The following ZNF407 variants were observed in gnomAD, a reference collection of about 807,000 sequenced individuals.
ZNF407 encodes zinc finger protein 407.
In ZNF407, 17 loss-of-function variants were observed where a neutral mutation model predicts 131.2. That is an observed-to-expected ratio of 0.13 (90% CI 0.09 to 0.19). The LOEUF (loss-of-function observed/expected upper bound fraction) is 0.19. Among genes scored for constraint, ZNF407 ranks in the 10% least tolerant of loss-of-function variants. ZNF407 has a pLI of 1.00. For missense variants in ZNF407, 2,681 were observed against 2,830.6 expected (o/e 0.95, Z 1.20); for synonymous variants, 1,156 against 1,062.0 (o/e 1.09, Z -1.72).
chr18:74,781,315 A>G (rs1368451746), intron 3 of ZNF407, 113 bp from the exon 4 acceptor site: 7 of 740,556 alleles, frequency 9.5e-6, no homozygotes, highest in African/African-American at 9.2e-5. Context: ...TGCCACTGTA[A>G]TACGCTTTTT....
chr18:74,912,487 A>G (rs377196795), intron 7 of ZNF407, among the ~76,000 whole-genome samples: 1 of 152,190 alleles, frequency 6.6e-6, no homozygotes, highest in East Asian at 1.9e-4. Context: ...AAAGTCCAGA[A>G]TTCACCTTAC....
intron 4 of ZNF407, among the ~76,000 whole-genome samples, chr18:74,799,533 A>G (rs1969981363): frequency 6.6e-6 from 1 of 152,150 alleles, no homozygotes; most frequent in Non-Finnish European, 1.5e-5. Flanking sequence ...ACATTGATTT[A>G]TGTTAGATAT....
intron 3 of ZNF407, among the ~76,000 whole-genome samples, chr18:74,645,724 A>C (rs905669575): frequency 1.3e-5 from 2 of 151,800 alleles, no homozygotes; most frequent in Non-Finnish European, 2.9e-5. Flanking sequence ...GTAGATGATT[A>C]TAATGTCACT....
intron 4 of ZNF407, among the ~76,000 whole-genome samples, chr18:74,868,646 C>T (rs980470051): frequency 1.3e-5 from 2 of 152,364 alleles, no homozygotes; most frequent in African/African-American, 4.8e-5. Flanking sequence ...TTGCATACCA[C>T]CTGGCTGCCT....
intron 3 of ZNF407, among the ~76,000 whole-genome samples, chr18:74,743,065 A>G (rs1055159498): frequency 3.3e-5 from 5 of 152,178 alleles, no homozygotes; most frequent in South Asian, 2.1e-4. Flanking sequence ...CGTTGATGGA[A>G]TTGGAGGAGT....
chr18:75,040,776 T>G (rs1203024340), intron 8 of ZNF407, among the ~76,000 whole-genome samples: 1 of 151,402 alleles, frequency 6.6e-6, no homozygotes, highest in African/African-American at 2.4e-5. Flanking sequence ...ATTCAGTAAG[T>G]TTTTTTTTAC....
chr18:74,630,993 G>T lies in ZNF407; in HGVS notation c.-27G>T. The T allele has an allele frequency of 6.3e-7, 1 of 1,578,702 alleles. No individual in the cohort carries two copies. On this transcript the variant is annotated 5_prime_UTR_variant, in exon 2 of 9. An upstream open reading frame in the 5' UTR loses its in-frame stop. Coordinates refer to ENST00000299687, the MANE Select transcript of ZNF407 (RefSeq NM_017757.3). ...TTATGAGTGCCAGTGAGCCGCCTTA[G>T]ATAGAAGCATCGTCAGCACTTTATT...
At chr18:74,906,583 C>A (rs573707734) in intron 7 of ZNF407, among the ~76,000 whole-genome samples, 96 of 152,280 alleles carry the variant, frequency 6.3e-4, no homozygotes, top group South Asian at 2.9e-3. Context: ...CAAAAGTTTC[C>A]TTGGACTTGG....
At position 74,795,415 on chromosome 18, in the gene ZNF407, TTTATTCAA is replaced by T. The variant is rs1261023851; in HGVS notation, c.4877+13914_4877+13921del. 7.8e-3 allele frequency among the ~76,000 whole-genome samples: 1,191 copies of T among 152,330 alleles called. 9 individuals are homozygous for T. The highest frequency in any genetic ancestry group is 0.026 in the African/African-American group (1,086 of 41,568). On this transcript the variant is annotated intron_variant, in intron 4 of 8. Coordinates refer to ENST00000299687, the MANE Select transcript of ZNF407 (RefSeq NM_017757.3). ...ATATGAATCAATATATTTGAGAAAC[TTTATTCAA>T]GCTATTACTCATCTATTGACATTAC...
At chr18:75,015,313 TTATTA>T (rs1973030074) in intron 8 of ZNF407, among the ~76,000 whole-genome samples, 1 of 151,772 alleles carries the variant, frequency 6.6e-6, no homozygotes, top group Admixed American at 6.6e-5. Flanking sequence ...GTATCGATGC[TTATTA>T]TACTTATTGA....
At chr18:75,037,159 T>C (rs1181653504) in intron 8 of ZNF407, among the ~76,000 whole-genome samples, 1 of 152,242 alleles carries the variant, frequency 6.6e-6, no homozygotes, top group Non-Finnish European at 1.5e-5. Flanking sequence ...ACTATGGTAC[T>C]GAGTGCTCAA....
intron 8 of ZNF407, among the ~76,000 whole-genome samples, chr18:74,960,806 G>T (rs1349493915): frequency 1.4e-5 from 2 of 145,886 alleles, no homozygotes; most frequent in Non-Finnish European, 3.0e-5. Flanking sequence ...TGAGTGCTTG[G>T]TGGAGGGATA....
intron 3 of ZNF407, among the ~76,000 whole-genome samples, chr18:74,648,053 A>G (rs1985055830): frequency 6.6e-6 from 1 of 152,192 alleles, no homozygotes; most frequent in South Asian, 2.1e-4. Context: ...TGAGGATTAA[A>G]CAAACACCTG....
At position 74,785,674 on chromosome 18, in the gene ZNF407, G is replaced by T. The variant is rs148612524; in HGVS notation, c.4877+4172G>T. ...CTATTTTTCAAGTTTACACAGGAGC[G>T]TCACCTTTTTTTTATGAAACATGAA... On this transcript the variant is annotated intron_variant, in intron 4 of 8. Coordinates refer to ENST00000299687, the MANE Select transcript of ZNF407 (RefSeq NM_017757.3). Among the ~76,000 whole-genome samples the T allele has an allele frequency of 2.0e-5, 3 of 152,252 alleles. No homozygotes were observed. The East Asian group carries it at 5.8e-4, about 29-fold the overall frequency.
intron 3 of ZNF407, among the ~76,000 whole-genome samples, chr18:74,697,189 A>G (rs1027106874): frequency 3.9e-5 from 6 of 152,060 alleles, no homozygotes; most frequent in Non-Finnish European, 7.4e-5. Flanking sequence ...CATTTCCCTC[A>G]TCAACCTTCT....
At chr18:74,722,424 G>A (rs1045217466) in intron 3 of ZNF407, among the ~76,000 whole-genome samples, 2 of 152,122 alleles carry the variant, frequency 1.3e-5, no homozygotes, top group African/African-American at 4.8e-5. Flanking sequence ...TAGCCTGTCA[G>A]TTGCTCAAGC....
At chr18:74,844,701 T>C (rs1970679121) in intron 4 of ZNF407, among the ~76,000 whole-genome samples, 1 of 152,084 alleles carries the variant, frequency 6.6e-6, no homozygotes, top group South Asian at 2.1e-4. Flanking sequence ...CCATGCAGAA[T>C]TATATATTTA....
chr18:74,732,315 G>T (rs1968312181), intron 3 of ZNF407, among the ~76,000 whole-genome samples: 4 of 152,108 alleles, frequency 2.6e-5, no homozygotes, highest in South Asian at 2.1e-4. Flanking sequence ...TAAGACCAGG[G>T]TTCACTACAA....
At chr18:74,845,907 A>T (rs2145137637) in intron 4 of ZNF407, among the ~76,000 whole-genome samples, 1 of 152,314 alleles carries the variant, frequency 6.6e-6, no homozygotes, top group Admixed American at 6.5e-5. Context: ...TTGTTAATAT[A>T]GGAAAAAAAA....
Sources: allele counts gnomAD v4.1 joint callset (sites outside exome capture counted in the v4.1 genomes callset), GRCh38; gene constraint gnomAD v4.1.1; transcripts MANE v1.5; gene names NCBI Gene and HGNC (gene_info 2026-07-23, HGNC 2026-07-21).